Variants in ZAN observed in about 807,000 individuals in gnomAD.
ZAN encodes the protein zonadhesin (gene/pseudogene).
Under a neutral mutation model 286.2 loss-of-function variants are expected in ZAN, and 260 were observed. The ratio of observed to expected loss-of-function variants is 0.91; its 90% confidence interval spans 0.82 to 1.01. The LOEUF (loss-of-function observed/expected upper bound fraction) is 1.01. Ranked by LOEUF, ZAN falls within the 50% of genes least tolerant of loss-of-function variation. The pLI, the probability that ZAN is intolerant of heterozygous loss-of-function variation, is 0.00. For synonymous variants in ZAN, 1,368 were observed against 1,417.5 expected (o/e 0.97, Z 0.79); for missense variants, 3,410 against 3,639.2 (o/e 0.94, Z 1.62).
intron 19 of ZAN, 38 bp from the exon 20 acceptor site, chr7:100,762,177 T>A: frequency 6.2e-7 from 1 of 1,609,912 alleles, no homozygotes; most frequent in Non-Finnish European, 8.5e-7. Context: ...CGAGGCTGCT[T>A]CTCTCCATTA....
rs542344987 is a variant in ZAN at position 100,790,214 on chromosome 7, T to C, written c.7358-728T>C. Among the ~76,000 whole-genome samples, 9 of 151,876 alleles carry C rather than the reference T, an allele frequency of 5.9e-5. No individual in the cohort carries two copies. In the South Asian group the frequency reaches 1.7e-3, roughly 28 times the overall value. On this transcript the variant is annotated intron_variant, in intron 39 of 47. Coordinates refer to ENST00000613979, the MANE Select transcript of ZAN (RefSeq NM_003386.3). The stretch of plus-strand genomic sequence containing the variant: ...AGAAGTTGGAGGCTGCAGTGAGCCA[T>C]GATTGAGCCACTGTACTCCAGACTG...
In ZAN at chr7:100,760,372, C is replaced by T. The variant is rs1809470629; in HGVS notation, c.3697-19C>T. On this transcript the variant is annotated intron_variant, in intron 18 of 47. Coordinates refer to ENST00000613979, the MANE Select transcript of ZAN (RefSeq NM_003386.3). Reference sequence around the variant, plus strand: ...GACCCCCAGCTCTGTCTGTCTCTTGCCTCTGCCCTGCCTTCCAGGTTGGGG... The same window carrying T: ...GACCCCCAGCTCTGTCTGTCTCTTGTCTCTGCCCTGCCTTCCAGGTTGGGG... 1 of 1,612,938 alleles carries T rather than the reference C, an allele frequency of 6.2e-7. No homozygotes were observed. Among genetic ancestry groups the T allele is most frequent in the African/African-American group, 1.3e-5 (1 of 75,020 alleles).
In ZAN at chr7:100,763,041, A is replaced by G. The variant is rs1809706043; in HGVS notation, c.3986+683A>G. ...GGCTAGAGTGTAGTTGTGCAATCTC[A>G]GCTCACTGAAACCTCTGCCTCCTGG... On this transcript the variant is annotated intron_variant, in intron 20 of 47. Transcript: ENST00000613979. This position sits in a 1 kb window ranked among gnomAD's most constrained non-coding sequence, Gnocchi z 4.6. Among the ~76,000 whole-genome samples, 1 of 146,256 alleles carries G rather than the reference A, an allele frequency of 6.8e-6. No individual in the cohort carries two copies. Among genetic ancestry groups the G allele is most frequent in the Non-Finnish European group, 1.5e-5 (1 of 67,366 alleles).
chr7:100,739,083 C>T (rs1807567081), intron 7 of ZAN, among the ~76,000 whole-genome samples: 1 of 129,852 alleles, frequency 7.7e-6, no homozygotes, highest in Admixed American at 7.9e-5. Flanking sequence ...GTGATCTCTG[C>T]TCACTGCAAC....
chr7:100,793,367 T>TA (rs1279007262), intron 42 of ZAN, among the ~76,000 whole-genome samples: 3 of 151,266 alleles, frequency 2.0e-5, no homozygotes, highest in East Asian at 3.9e-4. Context: ...AAATAAAAAA[T>TA]AAAAAAAAGA....
chr7:100,775,648 C>T (rs878890411), intron 32 of ZAN, 21 bp from the exon 33 acceptor site: 6 of 1,612,960 alleles, frequency 3.7e-6, no homozygotes, highest in African/African-American at 1.3e-5. Flanking sequence ...TCCTACTCAC[C>T]GTCACTGTCC....
intron 42 of ZAN, 32 bp from the exon 43 acceptor site, chr7:100,793,788 C>T (rs1812153496): frequency 6.4e-7 from 1 of 1,553,740 alleles, no homozygotes; most frequent in Non-Finnish European, 8.7e-7. Context: ...TGCCCAGCCC[C>T]AGCCAGTTTC....
At chr7:100,750,304 T>G in intron 11 of ZAN, among the ~76,000 whole-genome samples, 1 of 151,770 alleles carries the variant, frequency 6.6e-6, no homozygotes, top group East Asian at 2.0e-4. Flanking sequence ...GCCCAGCTAA[T>G]TTTTGTATTT....
At chr7:100,750,299 G>A (rs1320922251) in intron 11 of ZAN, among the ~76,000 whole-genome samples, 1 of 151,920 alleles carries the variant, frequency 6.6e-6, no homozygotes, top group Non-Finnish European at 1.5e-5. Context: ...ACCACGCCCA[G>A]CTAATTTTTG....
intron 26 of ZAN, among the ~76,000 whole-genome samples, chr7:100,768,251 C>A (rs1385162411): frequency 6.6e-6 from 1 of 152,172 alleles, no homozygotes; most frequent in East Asian, 1.9e-4. Context: ...GAGGGTGGAT[C>A]ACTTGAGGTC....
chr7:100,755,181 G>A, intron 14 of ZAN, 45 bp from the exon 15 acceptor site: 1 of 1,566,178 alleles, frequency 6.4e-7, no homozygotes, highest in Non-Finnish European at 8.7e-7. Flanking sequence ...GACTCCCTGA[G>A]AAAGCCATGG....
In ZAN at chr7:100,734,632, CA is replaced by C. The variant is rs1425408541; in HGVS notation, c.53+420del. Among the ~76,000 whole-genome samples the C allele has an allele frequency of 8.8e-5, 11 of 124,976 alleles. 2 individuals carry two copies. The highest frequency in any genetic ancestry group is 2.9e-4 in the African/African-American group (10 of 33,986). 82.0% of individuals were successfully genotyped at this position (124,976 alleles called of 152,430 possible). On this transcript the variant is annotated intron_variant, in intron 2 of 47. Coordinates refer to ENST00000613979, the MANE Select transcript of ZAN (RefSeq NM_003386.3). ...AGACTCCGTCTCAAAAAAAAAAAAA[CA>C]AAAAAAAAGACCTTGAGAGGAAGGG... is the stretch of plus-strand genomic sequence containing the variant.
At chr7:100,782,043 T>C (rs1444658547) in intron 35 of ZAN, among the ~76,000 whole-genome samples, 1 of 152,192 alleles carries the variant, frequency 6.6e-6, no homozygotes, top group Non-Finnish European at 1.5e-5. Context: ...GTAAACTATC[T>C]GCTCTTATCC....
chr7:100,758,395 G>A (rs1437258895), intron 16 of ZAN, 52 bp downstream of exon 16: 37 of 1,597,290 alleles, frequency 2.3e-5, no homozygotes, highest in East Asian at 6.7e-5. Context: ...TGGAGTAGAC[G>A]TGACGCCAGG....
chr7:100,790,910 T>TCTC, intron 39 of ZAN, 32 bp from the exon 40 acceptor site: 1 of 1,436,578 alleles, frequency 7.0e-7, no homozygotes, highest in African/African-American at 1.6e-5. Flanking sequence ...GAGTGAGGAG[T>TCTC]CTCACTTCTG....
intron 31 of ZAN, 63 bp downstream of exon 31, chr7:100,773,928 A>C: frequency 6.5e-7 from 1 of 1,543,592 alleles, no homozygotes; most frequent in Non-Finnish European, 8.8e-7. Context: ...CAACTCCCCA[A>C]CAGACTCCCT....
At chr7:100,762,474 G>A in intron 20 of ZAN, 116 bp downstream of exon 20, 1 of 1,309,750 alleles carries the variant, frequency 7.6e-7, no homozygotes, top group South Asian at 1.6e-5. Context: ...CGCTTAGGCT[G>A]GAGTGCAGTG....
intron 34 of ZAN, among the ~76,000 whole-genome samples, chr7:100,778,223 G>A (rs1810949720): frequency 6.6e-6 from 1 of 152,104 alleles, no homozygotes; most frequent in Non-Finnish European, 1.5e-5. Context: ...AGGAAGATTG[G>A]TTGAGTCCGA....
chr7:100,789,358 G>C lies in ZAN; in HGVS notation c.7357+11G>C. The C allele has an allele frequency of 6.2e-7, 1 of 1,610,794 alleles. No homozygotes were observed. Among genetic ancestry groups the C allele is most frequent in the Non-Finnish European group, 8.5e-7 (1 of 1,178,242 alleles). The stretch of plus-strand genomic sequence containing the variant: ...GAAGGAAAAATGCAGGTAATGGAGA[G>C]AGGGGAAAGAAGAGCAAAAGGGCCA... On this transcript the variant is annotated intron_variant, in intron 39 of 47. Transcript: ENST00000613979.
Sources: allele counts gnomAD v4.1 joint callset (sites outside exome capture counted in the v4.1 genomes callset), GRCh38; gene constraint gnomAD v4.1.1; non-coding constraint Gnocchi (gnomAD v3.1); transcripts MANE v1.5; gene names NCBI Gene and HGNC (gene_info 2026-07-23, HGNC 2026-07-21).